The following CADM2 variants were observed in gnomAD, a reference collection of about 807,000 sequenced individuals.
CADM2 encodes the protein immunoglobulin superfamily member 4D.
A neutral mutation model predicts 49.8 loss-of-function variants in CADM2; 12 were observed. That is an observed-to-expected ratio of 0.24 (90% CI 0.15 to 0.39). CADM2 has a LOEUF of 0.39. CADM2 is among the 10% of genes least tolerant of loss of function. The pLI is 1.00. For synonymous variants in CADM2, 214 were observed against 175.4 expected, an observed-to-expected ratio of 1.22 and a Z score of -1.74; for missense variants, 378 against 492.3, an observed-to-expected ratio of 0.77 and a Z score of 2.20.
intron 1 of CADM2, among the ~76,000 whole-genome samples, chr3:85,460,733 G>GGTGTGT (rs57401290): frequency 0.48 from 71,439 of 149,030 alleles, 19,640 homozygotes; most frequent in East Asian, 0.75. Context: ...TGGGAGATGT[G>GGTGTGT]GTGTGTGTGT....
chr3:85,848,973 A>T (rs1361048327), intron 3 of CADM2, among the ~76,000 whole-genome samples: 1 of 152,208 alleles, frequency 6.6e-6, no homozygotes, highest in Non-Finnish European at 1.5e-5. Context: ...GGCAGATTCA[A>T]GACATGAATC....
At chr3:85,369,851 C>T (rs1432753646) in intron 1 of CADM2, among the ~76,000 whole-genome samples, 1 of 152,020 alleles carries the variant, frequency 6.6e-6, no homozygotes, top group Non-Finnish European at 1.5e-5. Flanking sequence ...TGCCACACAG[C>T]AGTCCTAAAG....
intron 1 of CADM2, among the ~76,000 whole-genome samples, chr3:85,010,535 T>G (rs2107250832): frequency 6.6e-6 from 1 of 152,298 alleles, no homozygotes; most frequent in Middle Eastern, 3.4e-3. Flanking sequence ...AATAAACTTG[T>G]AACTCCTGAT....
At chr3:85,875,845 CTCTCAG>C (rs1711753534) in intron 3 of CADM2, among the ~76,000 whole-genome samples, 2 of 152,310 alleles carry the variant, frequency 1.3e-5, no homozygotes, top group Middle Eastern at 6.8e-3. Context: ...AAGTAGTCTA[CTCTCAG>C]GCAACAGACA....
chr3:85,638,098 T>C (rs1270377132), intron 1 of CADM2, among the ~76,000 whole-genome samples: 6 of 152,212 alleles, frequency 3.9e-5, no homozygotes, highest in African/African-American at 1.4e-4. Context: ...TCAGTAAATG[T>C]TGATTTGCAA....
At chr3:85,919,562 A>G (rs1234990098) in intron 6 of CADM2, among the ~76,000 whole-genome samples, 1 of 151,946 alleles carries the variant, frequency 6.6e-6, no homozygotes, top group Non-Finnish European at 1.5e-5. Flanking sequence ...TTAAGGGGTT[A>G]AATGGTCAAT....
At chr3:85,066,862 C>T (rs7645952) in intron 1 of CADM2, among the ~76,000 whole-genome samples, 111,738 of 152,038 alleles carry the variant, frequency 0.73, 42,136 homozygotes, top group African/African-American at 0.89. Context: ...GTATATTTTC[C>T]AGACGAAGCC....
At chr3:85,952,269 A>T (rs1723523994) in intron 7 of CADM2, among the ~76,000 whole-genome samples, 1 of 150,876 alleles carries the variant, frequency 6.6e-6, no homozygotes, top group Non-Finnish European at 1.5e-5. Context: ...CTCCAATGAC[A>T]CTATTCTCTT....
chr3:84,966,949 T>G (rs988260929), intron 1 of CADM2, among the ~76,000 whole-genome samples: 1 of 151,882 alleles, frequency 6.6e-6, no homozygotes, highest in Non-Finnish European at 1.5e-5. Context: ...AAAAAAAATC[T>G]CAAAGCTAAA....
intron 1 of CADM2, among the ~76,000 whole-genome samples, chr3:85,697,622 G>C (rs1348580845): frequency 6.6e-6 from 1 of 152,100 alleles, no homozygotes; most frequent in Non-Finnish European, 1.5e-5. Flanking sequence ...TTGTTGGTGT[G>C]GTAGTAAATA....
At chr3:85,933,922 C>G (rs752072480) in intron 6 of CADM2, among the ~76,000 whole-genome samples, 6 of 152,090 alleles carry the variant, frequency 3.9e-5, no homozygotes, top group Non-Finnish European at 7.4e-5. Context: ...CCTTTCATAT[C>G]ATGGAATGCC....
Position 85,714,621 on chromosome 3 carries a change from G to T in CADM2, c.62-11901G>T, listed in dbSNP as rs561233011. ...TTTTTGTATTTTTTTTAGTAGAGAC[G>T]GGGTTTCACCGTGTTAGCTAGGATG... On this transcript the variant is annotated intron_variant, in intron 1 of 9. Coordinates refer to ENST00000383699, the MANE Select transcript of CADM2 (RefSeq NM_001167675.2). Among the ~76,000 whole-genome samples, 9 of 151,934 alleles carry T rather than the reference G, an allele frequency of 5.9e-5. No homozygotes were observed. In the East Asian group the frequency reaches 1.7e-3, roughly 30 times the overall value.
intron 1 of CADM2, among the ~76,000 whole-genome samples, chr3:85,211,947 T>C (rs1358110665): frequency 2.0e-5 from 3 of 152,156 alleles, no homozygotes; most frequent in Non-Finnish European, 4.4e-5. Flanking sequence ...GCTTTATATA[T>C]CTGGGTGCTC....
chr3:85,712,159 A>T (rs9837629), intron 1 of CADM2, among the ~76,000 whole-genome samples: 1 of 152,220 alleles, frequency 6.6e-6, no homozygotes, highest in Non-Finnish European at 1.5e-5. Flanking sequence ...GAATAATGTT[A>T]CTACTAATTT....
chr3:85,583,472 TC>T (rs981073166), intron 1 of CADM2, among the ~76,000 whole-genome samples: 14 of 152,116 alleles, frequency 9.2e-5, no homozygotes, highest in African/African-American at 3.1e-4. Context: ...TTATCTCTAA[TC>T]ATTGTCATTC....
At chr3:85,760,624 G>A (rs2107899536) in intron 2 of CADM2, among the ~76,000 whole-genome samples, 1 of 152,238 alleles carries the variant, frequency 6.6e-6, no homozygotes, top group East Asian at 1.9e-4. Context: ...AGTATTAGCA[G>A]CACAGGAAAT....
chr3:85,501,557 T>C (rs1383388120), intron 1 of CADM2, among the ~76,000 whole-genome samples: 3 of 152,106 alleles, frequency 2.0e-5, no homozygotes, highest in African/African-American at 7.2e-5. Flanking sequence ...AAAATATTAT[T>C]ACCAGTTAGC....
chr3:85,267,679 G>T (rs767289973), intron 1 of CADM2, among the ~76,000 whole-genome samples: 6 of 151,342 alleles, frequency 4.0e-5, no homozygotes, highest in Admixed American at 1.3e-4. Context: ...TTAAAAATTA[G>T]TTGAATGAAC....
chr3:85,709,503 T>C (rs1427052946), intron 1 of CADM2, among the ~76,000 whole-genome samples: 2 of 152,154 alleles, frequency 1.3e-5, no homozygotes, highest in Non-Finnish European at 2.9e-5. Context: ...TTCTGACAAG[T>C]GCTGAACCTA....
Sources: gnomAD v4.1 joint callset for allele counts (sites outside exome capture counted in the v4.1 genomes callset) on GRCh38, gnomAD v4.1.1 for gene constraint, MANE v1.5 for transcripts, NCBI Gene and HGNC (gene_info 2026-07-23, HGNC 2026-07-21) for gene names.